The following STXBP5L variants were observed in gnomAD, a reference collection of about 807,000 sequenced individuals.
STXBP5L encodes the protein syntaxin binding protein 5L, also known as syntaxin-binding protein 5-like.
A neutral mutation model predicts 144.5 loss-of-function variants in STXBP5L; 65 were observed. The observed-to-expected ratio is 0.45, with a 90% CI of 0.37 to 0.55. STXBP5L has a LOEUF of 0.55. Among genes scored for constraint, STXBP5L ranks in the 20% least tolerant of loss-of-function variants. The pLI, the probability that STXBP5L is intolerant of heterozygous loss-of-function variation, is 0.00. For missense variants in STXBP5L, 1,298 were observed against 1,405.5 expected, an observed-to-expected ratio of 0.92 and a Z score of 1.22; for synonymous variants, 505 against 469.6, an observed-to-expected ratio of 1.08 and a Z score of -0.97.
chr3:121,037,280 C>A (rs1348570635), intron 3 of STXBP5L, among the ~76,000 whole-genome samples: 1 of 149,930 alleles, frequency 6.7e-6, no homozygotes. Context: ...AAAGGCTCTA[C>A]TCTGTCATCC....
chr3:121,254,577 GC>G (rs1375090165), intron 15 of STXBP5L, among the ~76,000 whole-genome samples: 1 of 152,062 alleles, frequency 6.6e-6, no homozygotes, highest in Non-Finnish European at 1.5e-5. Flanking sequence ...GACTTTCTGT[GC>G]CCCAATATTT....
At chr3:121,181,892 A>C (rs2047169782) in intron 9 of STXBP5L, among the ~76,000 whole-genome samples, 1 of 152,166 alleles carries the variant, frequency 6.6e-6, no homozygotes, top group Non-Finnish European at 1.5e-5. Context: ...ACCAAAAGCA[A>C]ACAGGAGTAG....
chr3:121,301,028 G>A (rs757746342), intron 19 of STXBP5L, among the ~76,000 whole-genome samples: 6 of 152,138 alleles, frequency 3.9e-5, no homozygotes, highest in African/African-American at 9.7e-5. Context: ...TTGGCAATGC[G>A]GGATCTTTTT....
intron 3 of STXBP5L, among the ~76,000 whole-genome samples, chr3:120,998,862 G>C (rs9860535): frequency 0.099 from 15,105 of 152,116 alleles, 1,179 homozygotes; most frequent in Admixed American, 0.2. Flanking sequence ...TGAATGAAGT[G>C]AGAGCTGACA....
chr3:121,170,752 C>T (rs1191629995), intron 9 of STXBP5L, among the ~76,000 whole-genome samples: 3 of 152,180 alleles, frequency 2.0e-5, no homozygotes, highest in African/African-American at 7.2e-5. Flanking sequence ...CAGCCGAATT[C>T]TCCCAGGGTA....
At chr3:121,094,444 G>C (rs10934541) in intron 5 of STXBP5L, among the ~76,000 whole-genome samples, 1 of 151,486 alleles carries the variant, frequency 6.6e-6, no homozygotes, top group Non-Finnish European at 1.5e-5. Context: ...TGCTTTATGA[G>C]TCTGGGTGCT....
At chr3:121,313,882 G>C (rs2043668768) in intron 19 of STXBP5L, among the ~76,000 whole-genome samples, 2 of 143,850 alleles carry the variant, frequency 1.4e-5, no homozygotes. Flanking sequence ...TTCTCAGACG[G>C]AGCGGCCGGG....
At chr3:121,126,923 A>T (rs556270117) in intron 7 of STXBP5L, among the ~76,000 whole-genome samples, 16 of 151,956 alleles carry the variant, frequency 1.1e-4, no homozygotes, top group South Asian at 2.1e-4. Context: ...TATCTCTCTG[A>T]CTCTTCTTCC....
intron 14 of STXBP5L, among the ~76,000 whole-genome samples, chr3:121,242,392 A>G (rs900927244): frequency 6.6e-6 from 1 of 152,146 alleles, no homozygotes; most frequent in Admixed American, 6.5e-5. Context: ...AAGAGAGGGT[A>G]AAAGGATGTA....
intron 3 of STXBP5L, among the ~76,000 whole-genome samples, chr3:121,021,268 CAATT>C (rs1945530464): frequency 6.6e-6 from 1 of 152,096 alleles, no homozygotes; most frequent in Non-Finnish European, 1.5e-5. Flanking sequence ...ATTTATAAAA[CAATT>C]ACTACTAGAC....
chr3:121,138,457 T>G (rs895066814), intron 7 of STXBP5L, among the ~76,000 whole-genome samples: 8 of 152,054 alleles, frequency 5.3e-5, no homozygotes, highest in Admixed American at 4.6e-4. Flanking sequence ...CAAAGCAGTC[T>G]TGACCAAAAA....
intron 9 of STXBP5L, among the ~76,000 whole-genome samples, chr3:121,196,477 C>G (rs543968651): frequency 6.6e-6 from 1 of 151,960 alleles, no homozygotes; most frequent in Non-Finnish European, 1.5e-5. Context: ...GAGGTCTTTC[C>G]TTTTATCTGT....
intron 18 of STXBP5L, among the ~76,000 whole-genome samples, chr3:121,263,999 C>T (rs1408901855): frequency 6.6e-6 from 1 of 152,142 alleles, no homozygotes; most frequent in Non-Finnish European, 1.5e-5. Context: ...AACCACAAGA[C>T]ACATACTTGT....
intron 12 of STXBP5L, among the ~76,000 whole-genome samples, chr3:121,237,663 G>A (rs2049525354): frequency 6.6e-6 from 1 of 152,160 alleles, no homozygotes; most frequent in Non-Finnish European, 1.5e-5. Context: ...TTTAATTATA[G>A]ATTCTTCCTT....
chr3:121,283,876 C>T (rs1161179503), intron 19 of STXBP5L, among the ~76,000 whole-genome samples: 2 of 148,598 alleles, frequency 1.3e-5, no homozygotes, highest in African/African-American at 5.1e-5. Flanking sequence ...GGTAGGATCT[C>T]CTACATTTGT....
chr3:121,039,174 TC>T (rs35559176), intron 3 of STXBP5L, among the ~76,000 whole-genome samples: 15,050 of 151,708 alleles, frequency 0.099, 1,180 homozygotes, highest in Admixed American at 0.2. Flanking sequence ...AGTTCTTAGC[TC>T]CCCCCAACAA....
chr3:121,105,801 A>T (rs1002704856), intron 5 of STXBP5L, among the ~76,000 whole-genome samples: 6 of 152,192 alleles, frequency 3.9e-5, no homozygotes, highest in Admixed American at 2.0e-4. Flanking sequence ...CTGTAAAAAA[A>T]ATTCAACGTC....
At chr3:120,908,550 A>G (rs1708650796) in intron 1 of STXBP5L, among the ~76,000 whole-genome samples, 1 of 151,542 alleles carries the variant, frequency 6.6e-6, no homozygotes, top group Non-Finnish European at 1.5e-5. Flanking sequence ...GGGAGCGCGA[A>G]TGCCTCGGCG....
chr3:121,115,283 A>G (rs1029276091), intron 6 of STXBP5L, among the ~76,000 whole-genome samples: 1 of 152,174 alleles, frequency 6.6e-6, no homozygotes, highest in Non-Finnish European at 1.5e-5. Context: ...ATATCTAAAA[A>G]TGTGATGACA....
Sources: gnomAD v4.1 joint callset for allele counts (sites outside exome capture counted in the v4.1 genomes callset) on GRCh38, gnomAD v4.1.1 for gene constraint, MANE v1.5 for transcripts, NCBI Gene and HGNC (gene_info 2026-07-23, HGNC 2026-07-21) for gene names.